The following ACSL4 variants were observed in gnomAD, a reference collection of about 807,000 sequenced individuals.
ACSL4 encodes the protein acyl-CoA synthetase long chain family member 4, also known as long-chain-fatty-acid--CoA ligase 4.
ACSL4 carries 9 observed loss-of-function variants against 49.1 expected under a neutral mutation model. The ratio of observed to expected loss-of-function variants is 0.18; its 90% CI spans 0.11 to 0.32. ACSL4 has a LOEUF of 0.32. Ranked by LOEUF, ACSL4 falls within the 10% of genes least tolerant of loss-of-function variation. The pLI is 1.00. For synonymous variants in ACSL4, 191 were observed against 170.3 expected, an observed-to-expected ratio of 1.12 and a Z score of -0.95; for missense variants, 333 against 493.7, an observed-to-expected ratio of 0.67 and a Z score of 3.08.
chrX:109,644,865 C>T (rs1331010936), intron 15 of ACSL4, among the ~76,000 whole-genome samples: 3 of 113,146 alleles, frequency 2.7e-5, no homozygotes, highest in Admixed American at 9.2e-5. Context: ...TTGCCTCACT[C>T]GGGAAGCACA....
intron 1 of ACSL4, among the ~76,000 whole-genome samples, chrX:109,702,183 C>T (rs767204830): frequency 1.8e-5 from 2 of 110,866 alleles, no homozygotes; most frequent in South Asian, 7.8e-4. Flanking sequence ...TCATTGCACT[C>T]CAGCCTGGGC....
chrX:109,700,301 G>A lies in ACSL4; in HGVS notation c.-65-4105C>T, dbSNP rs145003761. ...TCCAAGCACTCTGGGAGGCCAAAGC[G>A]GGCAGATCACCTGAGGTCAGGAGTT... On this transcript the variant is annotated intron_variant, in intron 1 of 15. Transcript: ENST00000672401. Among the ~76,000 whole-genome samples the A allele has an allele frequency of 5.1e-3, 557 of 108,843 alleles. 3 individuals carry two copies. Among genetic ancestry groups the A allele is most frequent in the African/African-American group, 0.018 (530 of 29,877 alleles). 94.5% of individuals were successfully genotyped at this position (108,843 alleles called of 115,157 possible).
intron 15 of ACSL4, among the ~76,000 whole-genome samples, chrX:109,654,105 G>C (rs1921424825): frequency 9.1e-6 from 1 of 110,166 alleles, no homozygotes. Context: ...TGTTTACAGT[G>C]ATGGGGAAGA....
At chrX:109,726,877 TTTG>T (rs1185757200) in intron 1 of ACSL4, among the ~76,000 whole-genome samples, 2 of 107,135 alleles carry the variant, frequency 1.9e-5, no homozygotes, top group Admixed American at 2.1e-4. Flanking sequence ...TTGTTGTTGT[TTTG>T]TTTTTTTTGT....
At chrX:109,655,587 G>A (rs866526317) in intron 15 of ACSL4, among the ~76,000 whole-genome samples, 4 of 110,690 alleles carry the variant, frequency 3.6e-5, no homozygotes, top group East Asian at 5.6e-4. Context: ...GGAATTATGG[G>A]GAAAAAAACA....
intron 15 of ACSL4, among the ~76,000 whole-genome samples, chrX:109,659,119 TAGATGACCAC>T (rs1921951886): frequency 8.9e-6 from 1 of 112,230 alleles, no homozygotes; most frequent in African/African-American, 3.2e-5. Flanking sequence ...AAACACAGGC[TAGATGACCAC>T]TTTGGGAAAG....
At chrX:109,659,910 C>T (rs183629569) in intron 14 of ACSL4, among the ~76,000 whole-genome samples, 1,922 of 110,087 alleles carry the variant, frequency 0.017, 31 homozygotes, top group African/African-American at 0.059. Flanking sequence ...GCTATTAAGT[C>T]GGTGCAAAAG....
At chrX:109,669,462 C>T (rs1315177983) in intron 9 of ACSL4, among the ~76,000 whole-genome samples, 3 of 107,082 alleles carry the variant, frequency 2.8e-5, no homozygotes, top group Non-Finnish European at 3.9e-5. Flanking sequence ...GGCGGGATCT[C>T]GGCTCACTGC....
chrX:109,661,699 G>T, intron 13 of ACSL4, 54 bp from the exon 14 acceptor site: 1 of 783,772 alleles, frequency 1.3e-6, no homozygotes, highest in Non-Finnish European at 2.0e-6. Context: ...ATGCAATTCT[G>T]ACTGTCTTCT....
chrX:109,682,764 C>T lies in ACSL4; in HGVS notation c.361G>A (p.Glu121Lys), dbSNP rs1207689055. The change falls in exon 4 of 16, where the codon GAA becomes AAA. Residue 121 changes from glutamate (E) to lysine (K), a missense_variant. Coordinates refer to ENST00000672401, the MANE Select transcript of ACSL4 (RefSeq NM_001318510.2). Reference protein sequence around the residue: ...TIAIFCETRAEWMIAAQTCFK... With the variant: ...TIAIFCETRAKWMIAAQTCFK... ...CAGGTCTGTGCTGCAATCATCCATT[C>T]GGCCCTGGTCTCACAGAAGATGGCA... 1.1e-5 allele frequency: 13 copies of T among 1,209,884 alleles called. No individual in the cohort carries two copies. The highest frequency in any genetic ancestry group is 1.5e-5 in the Non-Finnish European group (13 of 895,240).
At chrX:109,703,208 A>G (rs1926096970) in intron 1 of ACSL4, among the ~76,000 whole-genome samples, 1 of 112,321 alleles carries the variant, frequency 8.9e-6, no homozygotes, top group Non-Finnish European at 1.9e-5. Context: ...AGTATAAGGT[A>G]CATCTATATC....
intron 9 of ACSL4, 144 bp downstream of exon 9, chrX:109,674,258 G>A (rs1923496957): frequency 3.7e-6 from 2 of 540,030 alleles, no homozygotes; most frequent in Non-Finnish European, 6.2e-6. Context: ...AGATTTTAAT[G>A]AACACATTTG....
chrX:109,665,513 C>A lies in ACSL4; in HGVS notation c.1316-19G>T. 8.7e-7 allele frequency: 1 copy of A among 1,149,689 alleles called. No individual in the cohort carries two copies. Among genetic ancestry groups the A allele is most frequent in the Non-Finnish European group, 1.2e-6 (1 of 839,283 alleles). The allele number at this position is 1,149,689 out of a possible 1,213,427, so 94.7% of individuals were successfully genotyped here. The stretch of plus-strand genomic sequence containing the variant: ...TCAGTTACTGTGAGGGAAAAAGTAA[C>A]AGAGATATTAGCATACCACATTCCA... On this transcript the variant is annotated intron_variant, in intron 11 of 15. Coordinates refer to ENST00000672401, the MANE Select transcript of ACSL4 (RefSeq NM_001318510.2).
intron 12 of ACSL4, among the ~76,000 whole-genome samples, chrX:109,664,689 G>A (rs749001666): frequency 8.9e-6 from 1 of 111,940 alleles, no homozygotes; most frequent in African/African-American, 3.2e-5. Flanking sequence ...CATCCTACAC[G>A]GTAACTTGTA....
At chrX:109,663,956 C>T (rs1426280012) in intron 12 of ACSL4, among the ~76,000 whole-genome samples, 1 of 110,902 alleles carries the variant, frequency 9.0e-6, no homozygotes, top group Non-Finnish European at 1.9e-5. Context: ...ATAATAAATA[C>T]TAATATATTT....
intron 1 of ACSL4, among the ~76,000 whole-genome samples, chrX:109,712,391 T>C (rs1374499120): frequency 1.8e-5 from 2 of 112,130 alleles, no homozygotes; most frequent in African/African-American, 6.5e-5. Flanking sequence ...TAAGCCACCA[T>C]GCCTGGCCAA....
Position 109,678,108 on chromosome X carries a change from C to T in ACSL4, c.810G>A (p.Pro270=), listed in dbSNP as rs756164652. ...GQCERIPGLG[P]KDTYIGYLPL... ...GCAAGTAGCCAATATATGTGTCCTTCGGTCTAAAACAAAATAAGAGAAATA... is the reference window on the plus strand; with the variant it reads ...GCAAGTAGCCAATATATGTGTCCTTTGGTCTAAAACAAAATAAGAGAAATA... The change falls in exon 8 of 16, where the codon CCG becomes CCA. Residue 270 remains proline (P), a synonymous_variant. Transcript: ENST00000672401. 60 of 1,210,148 alleles carry T rather than the reference C, an allele frequency of 5.0e-5. No homozygotes were observed. In the South Asian group the frequency reaches 8.3e-4, roughly 17 times the overall value.
At chrX:109,688,464 T>C (rs1404313267) in intron 2 of ACSL4, among the ~76,000 whole-genome samples, 1 of 111,848 alleles carries the variant, frequency 8.9e-6, no homozygotes, top group Non-Finnish European at 1.9e-5. Flanking sequence ...TAAAAAACAT[T>C]CCCTCCTTTG....
intron 1 of ACSL4, among the ~76,000 whole-genome samples, chrX:109,722,112 G>A (rs1339732094): frequency 1.8e-5 from 2 of 111,731 alleles, no homozygotes; most frequent in Non-Finnish European, 1.9e-5. Flanking sequence ...AAAATGCACT[G>A]TTGAATTCAT....
Sources: allele counts gnomAD v4.1 joint callset (sites outside exome capture counted in the v4.1 genomes callset), GRCh38; gene constraint gnomAD v4.1.1; transcripts MANE v1.5; gene names NCBI Gene and HGNC (gene_info 2026-07-23, HGNC 2026-07-21).